Variants in CEP135 observed in about 807,000 individuals in gnomAD.
CEP135 encodes the protein centrosomal protein 135, also known as centrosomal protein of 135 kDa.
In CEP135, 142 loss-of-function variants were observed where a neutral mutation model predicts 157.3. The ratio of observed to expected loss-of-function variants is 0.90; its 90% CI spans 0.79 to 1.04. The LOEUF is 1.04. CEP135 is among the 50% of genes least tolerant of loss of function. The pLI, the probability that CEP135 is intolerant of heterozygous loss-of-function variation, is 0.00. For synonymous variants in CEP135, 396 were observed against 439.8 expected, an observed-to-expected ratio of 0.90 and a Z score of 1.25; for missense variants, 1,317 against 1,309.2, an observed-to-expected ratio of 1.01 and a Z score of -0.09.
intron 1 of CEP135, among the ~76,000 whole-genome samples, chr4:55,951,389 T>C (rs1728357688): frequency 6.6e-6 from 1 of 152,226 alleles, no homozygotes; most frequent in Non-Finnish European, 1.5e-5. Flanking sequence ...CAGATCTTTG[T>C]CGACATTTGC....
At chr4:55,997,287 C>T (rs1730005423) in intron 15 of CEP135, among the ~76,000 whole-genome samples, 1 of 152,132 alleles carries the variant, frequency 6.6e-6, no homozygotes, top group African/African-American at 2.4e-5. Flanking sequence ...TCTCTTTCTA[C>T]CCTAGAATAT....
chr4:55,950,210 C>G (rs995670649), intron 1 of CEP135, among the ~76,000 whole-genome samples: 7 of 152,208 alleles, frequency 4.6e-5, no homozygotes, highest in African/African-American at 1.7e-4. Flanking sequence ...GACCTGGTCT[C>G]TGATGACTGC....
At chr4:56,005,418 C>T (rs907105095) in intron 17 of CEP135, among the ~76,000 whole-genome samples, 1 of 151,982 alleles carries the variant, frequency 6.6e-6, no homozygotes, top group Non-Finnish European at 1.5e-5. Context: ...AGAACAAGAC[C>T]CAGTCTCTAA....
chr4:56,022,795 T>C (rs1256114802), intron 24 of CEP135, among the ~76,000 whole-genome samples: 2 of 152,128 alleles, frequency 1.3e-5, no homozygotes, highest in Middle Eastern at 3.2e-3. Context: ...GCTAGATATA[T>C]GTGCAAGACG....
chr4:56,011,409 T>G lies in CEP135; in HGVS notation c.2506-3T>G. ...AGATTGTCTTTAATTTTCTGATTTG[T>G]AGGAAATCTCATTGGAATTGGAAGC... is the stretch of plus-strand genomic sequence containing the variant. On this transcript the variant is annotated splice_region_variant and splice_polypyrimidine_tract_variant and intron_variant, in intron 19 of 25. Transcript: ENST00000257287. 6.3e-7 allele frequency: 1 copy of G among 1,585,868 alleles called. No homozygotes were observed. Among genetic ancestry groups the G allele is most frequent in the Non-Finnish European group, 8.6e-7 (1 of 1,163,672 alleles).
chr4:56,014,286 G>T (rs901080028), intron 21 of CEP135, among the ~76,000 whole-genome samples: 12 of 152,172 alleles, frequency 7.9e-5, no homozygotes, highest in African/African-American at 2.4e-4. Flanking sequence ...TTTGGAATTG[G>T]GTAATGAGTA....
chr4:55,969,834 T>C (rs1037150513), intron 9 of CEP135, among the ~76,000 whole-genome samples: 14 of 152,304 alleles, frequency 9.2e-5, no homozygotes, highest in Admixed American at 5.2e-4. Flanking sequence ...GAAATATTTG[T>C]TGATTATTAC....
chr4:55,961,927 G>A (rs1728694606), intron 6 of CEP135, among the ~76,000 whole-genome samples: 1 of 151,916 alleles, frequency 6.6e-6, no homozygotes. Context: ...TGAGTTGCCT[G>A]TGCTCTTGAC....
At chr4:55,982,190 A>G (rs1490640186) in intron 13 of CEP135, among the ~76,000 whole-genome samples, 1 of 152,198 alleles carries the variant, frequency 6.6e-6, no homozygotes, top group Non-Finnish European at 1.5e-5. Flanking sequence ...TTTCATATAA[A>G]TTGAATCACT....
At chr4:56,033,359 CTATT>C (rs1050340781) in exon 26 of CEP135, 3 of 151,876 alleles carry the variant, frequency 2.0e-5, no homozygotes, top group Non-Finnish European at 4.4e-5. Flanking sequence ...ACTTTCTAGC[CTATT>C]TATTTTCTCT....
At chr4:55,952,551 C>G (rs969793387) in intron 2 of CEP135, 1 of 209,392 alleles carries the variant, frequency 4.8e-6, no homozygotes, top group Admixed American at 5.5e-5. Context: ...TTTTTCCCCC[C>G]CTTAAGTTCT....
chr4:56,021,260 A>G (rs904655148), intron 24 of CEP135, among the ~76,000 whole-genome samples: 7 of 152,174 alleles, frequency 4.6e-5, no homozygotes, highest in Non-Finnish European at 7.4e-5. Flanking sequence ...CAGACACTAT[A>G]TAAGTGTCTG....
intron 9 of CEP135, 59 bp downstream of exon 9, chr4:55,969,187 C>A: frequency 7.0e-7 from 1 of 1,433,300 alleles, no homozygotes; most frequent in Non-Finnish European, 9.8e-7. Flanking sequence ...TTATGGGAGA[C>A]TGAGGTGGGT....
intron 19 of CEP135, among the ~76,000 whole-genome samples, chr4:56,010,175 A>ACCCCCC (rs3036749): frequency 8.1e-6 from 1 of 122,884 alleles, no homozygotes; most frequent in Non-Finnish European, 1.8e-5. Context: ...CATTGTGAAA[A>ACCCCCC]CCCCCCCCCC....
intron 10 of CEP135, among the ~76,000 whole-genome samples, chr4:55,972,959 A>G (rs1431565120): frequency 6.6e-6 from 1 of 151,824 alleles, no homozygotes; most frequent in African/African-American, 2.4e-5. Context: ...TTGAACCCGG[A>G]GGCGGAGGTT....
At chr4:55,963,205 A>T (rs910562523) in intron 6 of CEP135, among the ~76,000 whole-genome samples, 3 of 152,194 alleles carry the variant, frequency 2.0e-5, no homozygotes, top group South Asian at 2.1e-4. Flanking sequence ...TATTTTAGTT[A>T]TTAATTGTTT....
At chr4:56,017,500 ATAG>A (rs1730814757) in intron 21 of CEP135, 145 bp from the exon 22 acceptor site, 2 of 601,522 alleles carry the variant, frequency 3.3e-6, no homozygotes, top group Non-Finnish European at 5.7e-6. Flanking sequence ...TCATCTTTAA[ATAG>A]TAGGCAGCTT....
At chr4:56,027,145 C>G (rs1731181970) in intron 25 of CEP135, among the ~76,000 whole-genome samples, 1 of 152,116 alleles carries the variant, frequency 6.6e-6, no homozygotes, top group African/African-American at 2.4e-5. Flanking sequence ...GTCACTGTGT[C>G]CTTCTTGAAT....
intron 18 of CEP135, among the ~76,000 whole-genome samples, chr4:56,009,165 T>G (rs963711154): frequency 6.6e-6 from 1 of 151,698 alleles, no homozygotes; most frequent in Non-Finnish European, 1.5e-5. Flanking sequence ...GTTGTTGTTG[T>G]TGTTTTTTGT....
Sources: gnomAD v4.1 joint callset for allele counts (sites outside exome capture counted in the v4.1 genomes callset) on GRCh38, gnomAD v4.1.1 for gene constraint, MANE v1.5 for transcripts, NCBI Gene and HGNC (gene_info 2026-07-23, HGNC 2026-07-21) for gene names.